Variants in LYST observed in about 807,000 individuals in gnomAD.
LYST encodes lysosomal trafficking regulator, also known as lysosomal-trafficking regulator.
In LYST, 192 loss-of-function variants were observed where a neutral mutation model predicts 413.6. The observed-to-expected ratio is 0.46, with a 90% CI of 0.41 to 0.52. The LOEUF (loss-of-function observed/expected upper bound fraction) is 0.52. Ranked by LOEUF, LYST falls within the 20% of genes least tolerant of loss-of-function variation. The pLI is 0.00. For synonymous variants in LYST, 1,525 were observed against 1,567.3 expected (o/e 0.97, Z 0.64); for missense variants, 3,815 against 4,499.9 (o/e 0.85, Z 4.35).
rs771060529 is a variant in LYST, at chr1:235,800,322, T to A, written c.4004A>T (p.Gln1335Leu). Residue 1335 changes from glutamine (Q) to leucine (L), a missense_variant and splice_region_variant, in exon 10 of 53, where the codon CAA (glutamine) becomes CTA (leucine). Around this residue, in one of 4 missense-constraint regions of LYST, gnomAD observed 1,648 missense variants for 1,810.3 expected, o/e 0.91. Coordinates refer to ENST00000389793, the MANE Select transcript of LYST (RefSeq NM_000081.4). The part of the protein sequence containing the change: ...SILTQDDSDF[Q>L]ACQRVLVDLL... Reference sequence around the variant, plus strand: ...TGTTTAAAACAGTTTCAACTTACCTTGAAAATCAGAATCATCCTGTGTTAA... The same window carrying A: ...TGTTTAAAACAGTTTCAACTTACCTAGAAAATCAGAATCATCCTGTGTTAA... 1.3e-6 allele frequency: 2 copies of A among 1,572,762 alleles called. No homozygotes were observed. The highest frequency in any genetic ancestry group is 2.2e-5 in the South Asian group (2 of 90,198).
chr1:235,808,848 T>C lies in LYST; in HGVS notation c.1970A>G (p.Asn657Ser), dbSNP rs1041885870. Residue 657 changes from asparagine (N) to serine (S), a missense_variant, in exon 5 of 53, where the codon AAC becomes AGC. Coordinates refer to ENST00000389793, the MANE Select transcript of LYST (RefSeq NM_000081.4). ...TGAGGAGAGTTCAGCATCACATAAG[T>C]TTCCCTGCAGTGTCTCTTCTAATTG... ...LAQLEETLQG[N>S]LCDAELSSSL... is the part of the protein sequence containing the mutation. 2 of 1,614,016 alleles carry C rather than the reference T, an allele frequency of 1.2e-6. No individual in the cohort carries two copies. Among genetic ancestry groups the C allele is most frequent in the Non-Finnish European group, 1.7e-6 (2 of 1,179,988 alleles).
At position 235,731,700 on chromosome 1, in the gene LYST, A is replaced by C. The variant is rs1664396174; in HGVS notation, c.8802-523T>G. On this transcript the variant is annotated intron_variant, in intron 34 of 52. Coordinates refer to ENST00000389793, the MANE Select transcript of LYST (RefSeq NM_000081.4). ...CAGCCTCCCAAGTAGCTGGGATTAC[A>C]GGCTCCCACCACACCTGGCTAATTT... Among the ~76,000 whole-genome samples the C allele has an allele frequency of 2.0e-5, 3 of 151,652 alleles. No homozygotes were observed. In the South Asian group the frequency reaches 6.2e-4, roughly 32 times the overall value.
chr1:235,827,334 A>G (rs1403333323), intron 3 of LYST: 19 of 600,456 alleles, frequency 3.2e-5, no homozygotes, highest in Non-Finnish European at 1.7e-5. Context: ...GTGCCGCTGC[A>G]GTCCAGCCTG....
intron 14 of LYST, among the ~76,000 whole-genome samples, chr1:235,786,209 T>C: frequency 6.6e-6 from 1 of 152,150 alleles, no homozygotes; most frequent in East Asian, 1.9e-4. Flanking sequence ...AACCCAAATA[T>C]TAATTTTCAA....
intron 1 of LYST, among the ~76,000 whole-genome samples, chr1:235,838,804 T>G (rs1420236199): frequency 6.6e-6 from 1 of 152,216 alleles, no homozygotes; most frequent in Non-Finnish European, 1.5e-5. Context: ...CTCTTATTTT[T>G]CTCACTTGTA....
At position 235,686,824 on chromosome 1, in the gene LYST, T is replaced by G. The variant is rs1660258887; in HGVS notation, c.10800+125A>C. 1.3e-5 allele frequency: 10 copies of G among 797,456 alleles called. No homozygotes were observed. Among genetic ancestry groups the G allele is most frequent in the Middle Eastern group, 4.5e-4 (2 of 4,434 alleles). The allele number at this position is 797,456 out of a possible 1,614,324, so 49.4% of individuals were successfully genotyped here. On this transcript the variant is annotated intron_variant, in intron 48 of 52. Transcript: ENST00000389793. The surrounding 1 kb of genome is among the most constrained non-coding windows in gnomAD (Gnocchi z 4.0). ...CCCTAAAGCATTTTAAGACCTAATGTAGGGAGAAGATTAAGGTATAAACAT... is the reference window on the plus strand; with the variant it reads ...CCCTAAAGCATTTTAAGACCTAATGGAGGGAGAAGATTAAGGTATAAACAT...
chr1:235,731,883 CAAAT>C (rs999294733), intron 34 of LYST, among the ~76,000 whole-genome samples: 10 of 152,070 alleles, frequency 6.6e-5, no homozygotes, highest in South Asian at 2.1e-4. Flanking sequence ...TCTAATGAAA[CAAAT>C]AAAATCAATT....
chr1:235,745,106 T>C (rs928679049), intron 29 of LYST, among the ~76,000 whole-genome samples: 1 of 152,170 alleles, frequency 6.6e-6, no homozygotes, highest in African/African-American at 2.4e-5. Context: ...TGGAATATAA[T>C]TGACAAATAG....
rs1673142575 is a variant in LYST at position 235,808,815 on chromosome 1, G to C, written c.2003C>G (p.Ser668Cys). 3 of 1,613,934 alleles carry C rather than the reference G, an allele frequency of 1.9e-6. No individual in the cohort carries two copies. The highest frequency in any genetic ancestry group is 3.3e-5 in the Admixed American group (2 of 59,972). ...CCCTTGAAATCTGTAAGAAGGACTG[G>C]ATAAACTTGAGGAGAGTTCAGCATC... ...LCDAELSSSL[S>C]SPSYRFQGIL... Residue 668 changes from serine (S) to cysteine (C), a missense_variant, in exon 5 of 53, where the codon TCC (serine) becomes TGC (cysteine). This residue lies in a region of LYST where 1,648 missense variants were observed against 1,810.3 expected (regional missense o/e 0.91). Coordinates refer to ENST00000389793, the MANE Select transcript of LYST (RefSeq NM_000081.4).
At chr1:235,781,078 T>C in intron 15 of LYST, 23 bp from the exon 16 acceptor site, 1 of 1,517,610 alleles carries the variant, frequency 6.6e-7, no homozygotes. Context: ...AAAATAAAGT[T>C]AGTTATTTAA....
At chr1:235,765,889 C>A (rs1360578508) in intron 21 of LYST, among the ~76,000 whole-genome samples, 190 bp downstream of exon 21, 1 of 151,914 alleles carries the variant, frequency 6.6e-6, no homozygotes, top group Non-Finnish European at 1.5e-5. Context: ...CCTTTCTCCA[C>A]TTGGCATTTA....
At chr1:235,792,409 G>A (rs538884213) in intron 11 of LYST, among the ~76,000 whole-genome samples, 7 of 151,884 alleles carry the variant, frequency 4.6e-5, no homozygotes, top group East Asian at 1.9e-4. Context: ...CCGCCTCCCA[G>A]GTTCAGGCGA....
At chr1:235,705,466 G>C (rs907942755) in intron 44 of LYST, among the ~76,000 whole-genome samples, 1 of 150,604 alleles carries the variant, frequency 6.6e-6, no homozygotes, top group African/African-American at 2.4e-5. Context: ...GCTCACTGCA[G>C]ACTTGAACTC....
At chr1:235,779,753 T>C (rs1669658775) in intron 16 of LYST, among the ~76,000 whole-genome samples, 2 of 152,130 alleles carry the variant, frequency 1.3e-5, no homozygotes, top group African/African-American at 2.4e-5. Context: ...CCAATAATTA[T>C]TGACAACCAA....
intron 1 of LYST, among the ~76,000 whole-genome samples, chr1:235,880,787 C>A (rs116199647): frequency 6.6e-6 from 1 of 152,118 alleles, no homozygotes; most frequent in Non-Finnish European, 1.5e-5. Flanking sequence ...ATTTTTCTTA[C>A]GCAAATGGGA....
At chr1:235,815,521 T>C (rs1673957897) in intron 3 of LYST, among the ~76,000 whole-genome samples, 1 of 152,074 alleles carries the variant, frequency 6.6e-6, no homozygotes, top group African/African-American at 2.4e-5. Context: ...GGGAATGGGT[T>C]TGGCTTTTTC....
chr1:235,728,037 T>C, intron 38 of LYST, 39 bp downstream of exon 38: 1 of 1,460,588 alleles, frequency 6.8e-7, no homozygotes, highest in Non-Finnish European at 9.6e-7. Flanking sequence ...TTGGAATCTG[T>C]CTAGATTTAT....
chr1:235,678,417 G>T (rs562403620), intron 48 of LYST, among the ~76,000 whole-genome samples: 1 of 152,132 alleles, frequency 6.6e-6, no homozygotes, highest in Admixed American at 6.6e-5. Context: ...TAATGCTACC[G>T]ATACTCAGCA....
intron 50 of LYST, among the ~76,000 whole-genome samples, chr1:235,672,000 G>A (rs912817272): frequency 4.6e-5 from 7 of 152,156 alleles, no homozygotes; most frequent in Non-Finnish European, 2.9e-5. Flanking sequence ...ACTCTATTTT[G>A]TAAGTAGAGA....
Sources: allele counts gnomAD v4.1 joint callset (sites outside exome capture counted in the v4.1 genomes callset), GRCh38; gene constraint gnomAD v4.1.1; regional missense constraint gnomAD v4.1.1; non-coding constraint Gnocchi (gnomAD v3.1); transcripts MANE v1.5; gene names NCBI Gene and HGNC (gene_info 2026-07-23, HGNC 2026-07-21).